The following SHANK2 variants were observed in gnomAD, a reference collection of about 807,000 sequenced individuals.
The protein encoded by SHANK2 is SH3 and multiple ankyrin repeat domains protein 2.
A neutral mutation model predicts 133.7 loss-of-function variants in SHANK2; 43 were observed. That is an observed-to-expected ratio of 0.32 (90% CI 0.25 to 0.41). SHANK2 has a LOEUF of 0.41. Among genes scored for constraint, SHANK2 ranks in the 10% least tolerant of loss-of-function variants. The probability of loss-of-function intolerance (pLI) is 1.00; values close to 1 mark genes in which losing one functional copy is unlikely to be tolerated. For missense variants in SHANK2, 1,994 were observed against 2,235.8 expected, an observed-to-expected ratio of 0.89 and a Z score of 2.18; for synonymous variants, 1,017 against 952.8, an observed-to-expected ratio of 1.07 and a Z score of -1.24.
At chr11:70,596,200 C>T (rs2060398006) in intron 17 of SHANK2, among the ~76,000 whole-genome samples, 1 of 152,208 alleles carries the variant, frequency 6.6e-6, no homozygotes, top group Admixed American at 6.5e-5. Flanking sequence ...CAGGCGAGCC[C>T]CCTTCCCCGC....
intron 17 of SHANK2, among the ~76,000 whole-genome samples, chr11:70,590,743 CAT>C (rs1368973498): frequency 1.3e-5 from 2 of 151,480 alleles, no homozygotes; most frequent in Non-Finnish European, 2.9e-5. Flanking sequence ...ACAGGATAAA[CAT>C]AACTTTTCTA....
intron 11 of SHANK2, among the ~76,000 whole-genome samples, chr11:70,855,001 C>G (rs939199998): frequency 3.9e-5 from 6 of 152,220 alleles, no homozygotes; most frequent in African/African-American, 1.4e-4. Context: ...TCATGACTGT[C>G]CATCAATCTA....
At chr11:71,138,660 G>GA (rs1197016078) in intron 3 of SHANK2, among the ~76,000 whole-genome samples, 10 of 149,992 alleles carry the variant, frequency 6.7e-5, no homozygotes, top group Admixed American at 3.3e-4. Flanking sequence ...CTACTAAAAA[G>GA]AAAAAAAAAT....
intron 17 of SHANK2, among the ~76,000 whole-genome samples, chr11:70,516,547 T>C (rs1348764222): frequency 6.6e-6 from 1 of 152,216 alleles, no homozygotes; most frequent in Non-Finnish European, 1.5e-5. Flanking sequence ...GACCTTGAGT[T>C]TGGTGATGAT....
intron 16 of SHANK2, 94 bp downstream of exon 16, chr11:70,661,502 C>T (rs1230081234): frequency 0.015 from 44 of 2,946 alleles, no homozygotes; most frequent in Non-Finnish European, 0.047. Context: ...CAGGCGTATA[C>T]ACACACACAC....
chr11:71,076,653 C>T (rs1336544816), intron 8 of SHANK2, among the ~76,000 whole-genome samples: 2 of 152,190 alleles, frequency 1.3e-5, no homozygotes, highest in African/African-American at 2.4e-5. Context: ...GTCACCTGCC[C>T]GGCCCCCATG....
At chr11:71,195,227 C>G (rs1023183089) in intron 2 of SHANK2, among the ~76,000 whole-genome samples, 10 of 152,000 alleles carry the variant, frequency 6.6e-5, no homozygotes, top group African/African-American at 1.9e-4. Flanking sequence ...CCTGTCTCTA[C>G]TAAAAATACA....
chr11:70,933,063 C>T (rs1950523460), intron 10 of SHANK2: 1 of 453,008 alleles, frequency 2.2e-6, no homozygotes, highest in Non-Finnish European at 4.4e-6. Context: ...TATTTGCACA[C>T]TCATGTCCAC....
At chr11:70,826,984 A>G (rs1396163283) in intron 11 of SHANK2, among the ~76,000 whole-genome samples, 1 of 151,984 alleles carries the variant, frequency 6.6e-6, no homozygotes, top group South Asian at 2.1e-4. Flanking sequence ...GTGCTTTTCT[A>G]TTTTTTTAAA....
intron 10 of SHANK2, among the ~76,000 whole-genome samples, chr11:70,923,383 C>T (rs1318903938): frequency 2.0e-5 from 3 of 152,214 alleles, no homozygotes; most frequent in African/African-American, 7.2e-5. Context: ...GCTGGGATTA[C>T]AGGCATGAGC....
chr11:70,530,697 C>G (rs2135972435), intron 17 of SHANK2, among the ~76,000 whole-genome samples: 2 of 152,102 alleles, frequency 1.3e-5, no homozygotes, highest in African/African-American at 4.8e-5. Flanking sequence ...TCCACAGAGA[C>G]AGAAAGTAGA....
intron 11 of SHANK2, among the ~76,000 whole-genome samples, chr11:70,852,521 C>G (rs1349511678): frequency 6.6e-6 from 1 of 152,156 alleles, no homozygotes; most frequent in Non-Finnish European, 1.5e-5. Context: ...ACGAAGGTCC[C>G]CAGGTTTCTG....
chr11:71,095,676 C>T (rs1555095240), intron 6 of SHANK2, among the ~76,000 whole-genome samples: 1 of 152,220 alleles, frequency 6.6e-6, no homozygotes. Flanking sequence ...AGGGCACCTG[C>T]CTTGTGAGTG....
chr11:70,603,847 T>A (rs11607866), intron 17 of SHANK2: 4,930 of 152,802 alleles, frequency 0.032, 94 homozygotes, highest in Non-Finnish European at 0.046. Context: ...GGCAGAGACC[T>A]GCCCGATGCC....
rs534422940 is a variant in SHANK2, at chr11:71,101,872, A to G, written c.593-7184T>C. Among the ~76,000 whole-genome samples the G allele has an allele frequency of 1.1e-3, 167 of 152,318 alleles. 1 individual carries two copies. The highest frequency in any genetic ancestry group is 3.8e-3 in the African/African-American group (157 of 41,574). On this transcript the variant is annotated intron_variant, in intron 6 of 25. Coordinates refer to ENST00000601538, the MANE Select transcript of SHANK2 (RefSeq NM_012309.5). ...GAAGCCGGAGTTGGGGGGCGGCCGA[A>G]TGGGAGGAGCTCAGCCTGGTATGCA...
At chr11:71,067,724 C>A (rs1951083797) in intron 9 of SHANK2, among the ~76,000 whole-genome samples, 1 of 151,922 alleles carries the variant, frequency 6.6e-6, no homozygotes, top group Admixed American at 6.6e-5. Context: ...GCATCAGTCA[C>A]CATCAATGAG....
chr11:70,855,229 G>T (rs1456095116), intron 11 of SHANK2, among the ~76,000 whole-genome samples: 1 of 152,236 alleles, frequency 6.6e-6, no homozygotes. Flanking sequence ...GTCACATGAT[G>T]AACAAGCTCA....
intron 15 of SHANK2, among the ~76,000 whole-genome samples, chr11:70,682,634 C>A (rs1204125412): frequency 6.6e-6 from 1 of 152,010 alleles, no homozygotes; most frequent in African/African-American, 2.4e-5. Flanking sequence ...CTAAAACAGA[C>A]AATGAAGATG....
chr11:70,936,687 G>T (rs1950575935), intron 10 of SHANK2, among the ~76,000 whole-genome samples: 1 of 152,190 alleles, frequency 6.6e-6, no homozygotes, highest in African/African-American at 2.4e-5. Flanking sequence ...AGCTGAAACA[G>T]TTCTCCACTA....
Sources: gnomAD v4.1 joint callset for allele counts (sites outside exome capture counted in the v4.1 genomes callset) on GRCh38, gnomAD v4.1.1 for gene constraint, MANE v1.5 for transcripts, NCBI Gene and HGNC (gene_info 2026-07-23, HGNC 2026-07-21) for gene names.